OTOP1: variants seen among roughly 807,000 people sequenced by gnomAD.
The protein encoded by OTOP1 is otopetrin 1.
Under a neutral mutation model 52.9 loss-of-function variants are expected in OTOP1, and 59 were observed. That is an observed-to-expected ratio of 1.12 (90% CI 0.91 to 1.39). OTOP1 has a LOEUF of 1.39. OTOP1 is among the 40% of genes most tolerant of loss of function. The pLI is 0.00. For missense variants in OTOP1, 761 were observed against 800.9 expected (o/e 0.95, Z 0.60); for synonymous variants, 317 against 337.7 (o/e 0.94, Z 0.67).
chr4:4,215,508 C>A (rs1717123355), intron 1 of OTOP1, among the ~76,000 whole-genome samples: 1 of 151,874 alleles, frequency 6.6e-6, no homozygotes, highest in South Asian at 2.1e-4. Context: ...CTAAAAAATA[C>A]AAAATTAGCG....
At chr4:4,216,428 A>G (rs937221202) in intron 1 of OTOP1, among the ~76,000 whole-genome samples, 8 of 152,186 alleles carry the variant, frequency 5.3e-5, no homozygotes, top group African/African-American at 1.9e-4. Context: ...TCCTACCGAC[A>G]GGAGGAAACT....
At chr4:4,221,516 C>T (rs935526546) in intron 1 of OTOP1, among the ~76,000 whole-genome samples, 17 of 152,164 alleles carry the variant, frequency 1.1e-4, no homozygotes, top group African/African-American at 3.9e-4. Flanking sequence ...GACCTGGGCT[C>T]CTCCCAGGCC....
In OTOP1 at chr4:4,197,806, C is replaced by T. The variant is rs1490757685; in HGVS notation, c.1028G>A (p.Ser343Asn). 4 of 1,614,086 alleles carry T rather than the reference C, an allele frequency of 2.5e-6. No individual in the cohort carries two copies. The highest frequency in any genetic ancestry group is 1.7e-5 in the Admixed American group (1 of 60,004). Residue 343 changes from serine to asparagine, a missense_variant, in exon 5 of 6, where the codon AGC (serine) becomes AAC (asparagine). By Grantham distance (46) the Ser-to-Asn change is conservative (BLOSUM62 1). Coordinates refer to ENST00000296358, the MANE Select transcript of OTOP1 (RefSeq NM_177998.3). ...LIHIGRSKTK[S>N]ESALIMFYLY... ...GTAGAACATGATGAGTGCCGACTCG[C>T]TCTTGGTCTTGGAGCGCCCAATATG...
At chr4:4,204,832 C>T (rs1388527027) in intron 3 of OTOP1, among the ~76,000 whole-genome samples, 2 of 151,874 alleles carry the variant, frequency 1.3e-5, no homozygotes, top group Non-Finnish European at 2.9e-5. Flanking sequence ...AGTGCAGTGG[C>T]GTGATCTCGG....
chr4:4,190,195 G>A (rs1250696914), intron 5 of OTOP1, among the ~76,000 whole-genome samples: 3 of 152,194 alleles, frequency 2.0e-5, no homozygotes, highest in Admixed American at 2.0e-4. Flanking sequence ...AAAGTAGGCT[G>A]GGCACAGTGG....
In OTOP1 at chr4:4,188,850, G is replaced by C. The variant is rs200368405; in HGVS notation, c.1792C>G (p.Arg598Gly). The change falls in exon 6 of 6, where the codon CGA (arginine) becomes GGA (glycine). Residue 598 changes from arginine (R) to glycine (G), a missense_variant. Transcript: ENST00000296358. ...NLAMPFSIFY[R>G]MHAAASLFEV... Reference sequence around the variant, plus strand: ...AAGAGGGAGGCAGCTGCGTGCATTCGATAGAAAATAGAAAAAGGCATGGCC... The same window carrying C: ...AAGAGGGAGGCAGCTGCGTGCATTCCATAGAAAATAGAAAAAGGCATGGCC... 95 of 1,613,732 alleles carry C rather than the reference G, an allele frequency of 5.9e-5. No individual in the cohort carries two copies. Among genetic ancestry groups the C allele is most frequent in the Non-Finnish European group, 2.1e-5 (25 of 1,179,818 alleles).
At chr4:4,208,602 A>T (rs1716959224) in intron 2 of OTOP1, among the ~76,000 whole-genome samples, 3 of 152,234 alleles carry the variant, frequency 2.0e-5, no homozygotes, top group African/African-American at 7.2e-5. Flanking sequence ...AAAGTAGAAC[A>T]GAGTTTGCCA....
intron 2 of OTOP1, among the ~76,000 whole-genome samples, chr4:4,206,922 A>G (rs534978064): frequency 4.6e-5 from 7 of 152,208 alleles, no homozygotes; most frequent in African/African-American, 7.2e-5. Flanking sequence ...CTCCTCCTAT[A>G]TACCAGGCAT....
intron 2 of OTOP1, among the ~76,000 whole-genome samples, chr4:4,207,051 C>T (rs1201860979): frequency 1.3e-5 from 2 of 152,174 alleles, no homozygotes; most frequent in South Asian, 4.1e-4. Context: ...TCTTTATTCT[C>T]TAGTTATAAA....
At chr4:4,192,347 C>T (rs1040521931) in intron 5 of OTOP1, among the ~76,000 whole-genome samples, 1 of 152,160 alleles carries the variant, frequency 6.6e-6, no homozygotes, top group Non-Finnish European at 1.5e-5. Flanking sequence ...CAAGGCTTCA[C>T]CAACTTCACC....
intron 5 of OTOP1, among the ~76,000 whole-genome samples, chr4:4,193,444 G>A (rs1207114508): frequency 3.3e-5 from 5 of 152,172 alleles, no homozygotes; most frequent in Admixed American, 6.5e-5. Context: ...CACCCCACCT[G>A]GACATGCACA....
In OTOP1 at chr4:4,206,147, A is replaced by G; in HGVS notation, c.541-17T>C. 1 of 1,575,646 alleles carries G rather than the reference A, an allele frequency of 6.3e-7. No individual in the cohort carries two copies. Among genetic ancestry groups the G allele is most frequent in the Non-Finnish European group, 8.7e-7 (1 of 1,147,760 alleles). On this transcript the variant is annotated splice_polypyrimidine_tract_variant and intron_variant, in intron 2 of 5. Transcript: ENST00000296358. ...AAAATATACCTAGATGGAAATAAAG[A>G]AAGAAAAGAAAAATCGGTGAGACAC...
At chr4:4,220,698 T>C (rs1717280642) in intron 1 of OTOP1, among the ~76,000 whole-genome samples, 1 of 152,198 alleles carries the variant, frequency 6.6e-6, no homozygotes. Flanking sequence ...AAGAAAAAGT[T>C]GATGCATTAG....
At chr4:4,192,214 G>T in intron 5 of OTOP1, among the ~76,000 whole-genome samples, 1 of 152,110 alleles carries the variant, frequency 6.6e-6, no homozygotes. Context: ...ACCAAGTACG[G>T]AGTCCGACCA....
At chr4:4,203,387 G>A (rs544826019) in intron 3 of OTOP1, among the ~76,000 whole-genome samples, 4 of 152,212 alleles carry the variant, frequency 2.6e-5, no homozygotes, top group Admixed American at 1.3e-4. Context: ...GGGAGATCCA[G>A]ATAGACTCAA....
chr4:4,198,221 AG>A, intron 4 of OTOP1, 118 bp from the exon 5 acceptor site: 1 of 783,004 alleles, frequency 1.3e-6, no homozygotes, highest in Non-Finnish European at 2.0e-6. Context: ...CTGGATTATG[AG>A]CTTTATCATG....
rs537542915 is a variant in OTOP1, at chr4:4,225,560, T to C, written c.403+902A>G. On this transcript the variant is annotated intron_variant, in intron 1 of 5. Coordinates refer to ENST00000296358, the MANE Select transcript of OTOP1 (RefSeq NM_177998.3). ...CTCCAGCCTGGGAGATAGAGCAACATTGTCTCAAAAAAAAAAAAAAAAATG... is the reference window on the plus strand; with the variant it reads ...CTCCAGCCTGGGAGATAGAGCAACACTGTCTCAAAAAAAAAAAAAAAAATG... Among the ~76,000 whole-genome samples the C allele has an allele frequency of 6.7e-4, 34 of 50,942 alleles. No homozygotes were observed. The East Asian group carries it at 0.019, about 29-fold the overall frequency. 33.4% of individuals were successfully genotyped at this position (50,942 alleles called of 152,430 possible). A position where few individuals can be genotyped will look rare whatever the true frequency, so the allele number is the denominator to read the frequency against.
chr4:4,191,437 G>A (rs911521060), intron 5 of OTOP1, among the ~76,000 whole-genome samples: 7 of 152,080 alleles, frequency 4.6e-5, no homozygotes, highest in East Asian at 1.9e-4. Context: ...CTACACTCCC[G>A]CATGGGGTGA....
intron 1 of OTOP1, among the ~76,000 whole-genome samples, chr4:4,219,682 G>A (rs1267565070): frequency 1.4e-5 from 2 of 138,700 alleles, no homozygotes; most frequent in Non-Finnish European, 3.3e-5. Context: ...GGGCGACAGA[G>A]CGAGACTCTG....
Sources: allele counts gnomAD v4.1 joint callset (sites outside exome capture counted in the v4.1 genomes callset), GRCh38; gene constraint gnomAD v4.1.1; transcripts MANE v1.5; gene names NCBI Gene and HGNC (gene_info 2026-07-23, HGNC 2026-07-21).